The following DGKB variants were observed in gnomAD, a reference collection of about 807,000 sequenced individuals.
The protein encoded by DGKB is 90 kDa diacylglycerol kinase.
DGKB carries 67 observed loss-of-function variants against 114.3 expected under a neutral mutation model. The ratio of observed to expected loss-of-function variants is 0.59; its 90% CI spans 0.48 to 0.72. DGKB has a LOEUF of 0.72. Ranked by LOEUF, DGKB falls within the 30% of genes least tolerant of loss-of-function variation. The probability of loss-of-function intolerance (pLI) is 0.00; values close to 1 mark genes in which losing one functional copy is unlikely to be tolerated. For synonymous variants in DGKB, 398 were observed against 323.1 expected, an observed-to-expected ratio of 1.23 and a Z score of -2.49; for missense variants, 907 against 975.2, an observed-to-expected ratio of 0.93 and a Z score of 0.93.
chr7:14,661,694 C>T lies in DGKB; in HGVS notation c.1134+11235G>A, dbSNP rs531074120. 1.5e-3 allele frequency among the ~76,000 whole-genome samples: 231 copies of T among 151,716 alleles called. 1 individual carries two copies. The highest frequency in any genetic ancestry group is 5.2e-3 in the African/African-American group (217 of 41,434). On this transcript the variant is annotated intron_variant, in intron 13 of 25. Coordinates refer to ENST00000402815, the MANE Select transcript of DGKB (RefSeq NM_001350709.2). ...TAGAAATACCATTTGACCCAGCCAT[C>T]CCATTACCGGGTATATACCCAAAGG...
chr7:14,302,363 G>C (rs1269742980), intron 23 of DGKB, among the ~76,000 whole-genome samples: 1 of 151,996 alleles, frequency 6.6e-6, no homozygotes, highest in African/African-American at 2.4e-5. Context: ...AAATCAGCAA[G>C]TGTATATTTT....
At chr7:14,743,407 C>G (rs914769373) in intron 4 of DGKB, among the ~76,000 whole-genome samples, 1 of 152,086 alleles carries the variant, frequency 6.6e-6, no homozygotes, top group Non-Finnish European at 1.5e-5. Context: ...ATCATTTTAA[C>G]AAAATAACCA....
chr7:14,152,859 CGTT>C (rs1227086462), intron 25 of DGKB, among the ~76,000 whole-genome samples: 2 of 152,032 alleles, frequency 1.3e-5, no homozygotes, highest in African/African-American at 4.8e-5. Flanking sequence ...TAAAAAATAA[CGTT>C]GATCTGGCTC....
chr7:14,609,322 A>C (rs1376366460), intron 16 of DGKB, among the ~76,000 whole-genome samples: 1 of 152,102 alleles, frequency 6.6e-6, no homozygotes, highest in East Asian at 1.9e-4. Context: ...ATGTTACTGG[A>C]ATAGCTGGCT....
At chr7:14,393,050 A>C (rs2007110) in intron 21 of DGKB, among the ~76,000 whole-genome samples, 5 of 141,136 alleles carry the variant, frequency 3.5e-5, no homozygotes, top group African/African-American at 1.3e-4. Flanking sequence ...GTGCAGTGGC[A>C]CGATCTCGGC....
intron 1 of DGKB, among the ~76,000 whole-genome samples, chr7:14,939,136 A>G (rs1221930020): frequency 3.3e-5 from 5 of 152,008 alleles, no homozygotes; most frequent in South Asian, 2.1e-4. Context: ...GCCTCTGCCT[A>G]TATTACCCTA....
chr7:14,203,945 A>T (rs183726938), intron 23 of DGKB, among the ~76,000 whole-genome samples: 230 of 152,002 alleles, frequency 1.5e-3, no homozygotes, highest in African/African-American at 4.8e-3. Context: ...CATGGATAAA[A>T]ACTACTCAAA....
intron 1 of DGKB, among the ~76,000 whole-genome samples, chr7:14,861,422 A>G (rs1019000751): frequency 9.9e-5 from 15 of 152,020 alleles, no homozygotes; most frequent in Admixed American, 9.8e-4. Flanking sequence ...AATATAGTAA[A>G]CATAGCTGAT....
At chr7:14,647,730 T>C (rs925086735) in intron 13 of DGKB, among the ~76,000 whole-genome samples, 1 of 152,096 alleles carries the variant, frequency 6.6e-6, no homozygotes, top group Non-Finnish European at 1.5e-5. Context: ...CCATCTGAGG[T>C]ACCGGGTTCA....
intron 23 of DGKB, among the ~76,000 whole-genome samples, chr7:14,322,258 A>C (rs1187546510): frequency 1.3e-5 from 2 of 152,114 alleles, no homozygotes; most frequent in Non-Finnish European, 2.9e-5. Context: ...TATGACCCAA[A>C]GCTTAAAATA....
intron 8 of DGKB, among the ~76,000 whole-genome samples, 158 bp downstream of exon 8, chr7:14,697,937 G>A: frequency 7.0e-6 from 1 of 143,242 alleles, no homozygotes; most frequent in South Asian, 2.2e-4. Context: ...GAAAGAGGGA[G>A]AGAAACAGAA....
chr7:14,363,783 A>G (rs1158307433), intron 21 of DGKB, among the ~76,000 whole-genome samples: 1 of 152,156 alleles, frequency 6.6e-6, no homozygotes, highest in Non-Finnish European at 1.5e-5. Flanking sequence ...AACATGCTCC[A>G]AAATATCAGC....
chr7:14,330,262 T>A (rs984221276), intron 23 of DGKB, among the ~76,000 whole-genome samples: 2 of 151,926 alleles, frequency 1.3e-5, no homozygotes, highest in African/African-American at 4.8e-5. Context: ...AATTGATCAA[T>A]AAACCATATA....
At chr7:14,568,799 T>C (rs996028751) in intron 20 of DGKB, among the ~76,000 whole-genome samples, 2 of 152,250 alleles carry the variant, frequency 1.3e-5, no homozygotes, top group African/African-American at 4.8e-5. Context: ...GTTCTTTGTA[T>C]ATTGTACAGC....
rs535056420 is a variant in DGKB at position 14,943,513 on chromosome 7, G to A, written c.-188+31183C>T. 1.3e-4 allele frequency among the ~76,000 whole-genome samples: 20 copies of A among 151,734 alleles called. No homozygotes were observed. The South Asian group carries it at 4.1e-3, about 31-fold the overall frequency. Reference sequence around the variant, plus strand: ...AGAAATTGTCCTCATTATTTTTATTGTTCTAGAATAATGAATATAAGTCCT... The same window carrying A: ...AGAAATTGTCCTCATTATTTTTATTATTCTAGAATAATGAATATAAGTCCT... On this transcript the variant is annotated intron_variant, in intron 1 of 4. Transcript: ENST00000437998.
intron 15 of DGKB, among the ~76,000 whole-genome samples, chr7:14,615,646 G>T (rs975220121): frequency 4.6e-5 from 7 of 151,760 alleles, no homozygotes; most frequent in African/African-American, 1.7e-4. Flanking sequence ...AGTGGCAAAA[G>T]TTGAATATCC....
chr7:14,808,136 C>A (rs537995713), intron 2 of DGKB, among the ~76,000 whole-genome samples: 4 of 152,032 alleles, frequency 2.6e-5, no homozygotes, highest in South Asian at 2.1e-4. Context: ...AGAAGTACTG[C>A]AAATTGTTGT....
intron 21 of DGKB, among the ~76,000 whole-genome samples, chr7:14,394,001 G>T (rs1245982811): frequency 6.6e-6 from 1 of 151,912 alleles, no homozygotes; most frequent in African/African-American, 2.4e-5. Context: ...AAAAAAGTAA[G>T]CACTTAGTTC....
intron 13 of DGKB, among the ~76,000 whole-genome samples, chr7:14,645,366 A>C (rs1160653890): frequency 6.6e-6 from 1 of 152,074 alleles, no homozygotes; most frequent in Non-Finnish European, 1.5e-5. Context: ...CTGCTTGCTG[A>C]GCTATAGGTG....
Sources: gnomAD v4.1 joint callset for allele counts (sites outside exome capture counted in the v4.1 genomes callset) on GRCh38, gnomAD v4.1.1 for gene constraint, MANE v1.5 for transcripts, NCBI Gene and HGNC (gene_info 2026-07-23, HGNC 2026-07-21) for gene names.